Variants in BTAF1 observed in about 807,000 individuals in gnomAD.
The protein encoded by BTAF1 is B-TFIID TATA-box binding protein associated factor 1, also known as TATA-binding protein-associated factor 172.
In BTAF1, 38 loss-of-function variants were observed where a neutral mutation model predicts 227.1. The ratio of observed to expected loss-of-function variants is 0.17; its 90% CI spans 0.13 to 0.22. The LOEUF is 0.22. BTAF1 is among the 10% of genes least tolerant of loss of function. The pLI is 1.00. For synonymous variants in BTAF1, 742 were observed against 751.9 expected, an observed-to-expected ratio of 0.99 and a Z score of 0.21; for missense variants, 1,598 against 2,204.0, an observed-to-expected ratio of 0.73 and a Z score of 5.51.
chr10:91,971,491 A>C (rs1386282882), intron 14 of BTAF1, among the ~76,000 whole-genome samples: 2 of 71,278 alleles, frequency 2.8e-5, no homozygotes, highest in Non-Finnish European at 2.7e-5. Context: ...TTTTTTTTTG[A>C]GATGGAGTTT....
intron 1 of BTAF1, among the ~76,000 whole-genome samples, chr10:91,930,562 C>T (rs2133769964): frequency 6.6e-6 from 1 of 152,202 alleles, no homozygotes; most frequent in Non-Finnish European, 1.5e-5. Context: ...ATGTTTAAAA[C>T]AACATAACAT....
chr10:92,008,781 A>G (rs745425591), intron 26 of BTAF1, 48 bp from the exon 27 acceptor site: 1 of 1,487,576 alleles, frequency 6.7e-7, no homozygotes, highest in Admixed American at 2.2e-5. Flanking sequence ...TTTATAAGAA[A>G]AAATAAATTT....
chr10:92,000,156 A>C (rs1421423907), intron 25 of BTAF1, among the ~76,000 whole-genome samples: 1 of 152,228 alleles, frequency 6.6e-6, no homozygotes, highest in African/African-American at 2.4e-5. Flanking sequence ...ACTAGACCAC[A>C]GTATCAAAAT....
intron 14 of BTAF1, among the ~76,000 whole-genome samples, chr10:91,978,927 C>A (rs575033670): frequency 2.0e-5 from 3 of 148,274 alleles, no homozygotes; most frequent in African/African-American, 7.4e-5. Flanking sequence ...TATTTTGCCA[C>A]CTAGGTACTA....
chr10:91,929,653 A>G (rs1472570577), intron 1 of BTAF1, among the ~76,000 whole-genome samples: 2 of 152,180 alleles, frequency 1.3e-5, no homozygotes, highest in Non-Finnish European at 2.9e-5. Flanking sequence ...TGTAGAAAAA[A>G]CTACCTTAAT....
chr10:91,928,236 CTGTA>C (rs1844003961), intron 1 of BTAF1, among the ~76,000 whole-genome samples: 2 of 152,074 alleles, frequency 1.3e-5, no homozygotes, highest in Admixed American at 1.3e-4. Flanking sequence ...CTTGGTTTTA[CTGTA>C]CTTTCAGTTG....
chr10:92,004,436 G>A (rs1849743991), intron 25 of BTAF1, among the ~76,000 whole-genome samples: 1 of 152,012 alleles, frequency 6.6e-6, no homozygotes, highest in South Asian at 2.1e-4. Context: ...TTAGATATTT[G>A]GATTTGGGAT....
intron 21 of BTAF1, among the ~76,000 whole-genome samples, chr10:91,993,462 CAA>C (rs1848937849): frequency 6.6e-6 from 1 of 152,010 alleles, no homozygotes; most frequent in Non-Finnish European, 1.5e-5. Flanking sequence ...TCCTCAACCC[CAA>C]AAAAGTGTTT....
intron 4 of BTAF1, among the ~76,000 whole-genome samples, chr10:91,950,041 C>A (rs1255421140): frequency 2.6e-5 from 4 of 151,144 alleles, no homozygotes; most frequent in Non-Finnish European, 5.9e-5. Flanking sequence ...ACTCAGAAGG[C>A]TGAGGCAGGA....
rs12571564 is a variant in BTAF1 at position 91,953,648 on chromosome 10, T to G, written c.565-89T>G. On this transcript the variant is annotated intron_variant, in intron 5 of 37. Transcript: ENST00000265990. ...GTGATCGATGTATATATACTGAAAT[T>G]TATAGACTTGGTCTTCTTCTGAGGC... The G allele has an allele frequency of 0.36, 516,100 of 1,415,708 alleles. 99,422 individuals carry two copies. The highest frequency in any genetic ancestry group is 0.5 in the South Asian group (37,118 of 73,582). 87.7% of individuals were successfully genotyped at this position (1,415,708 alleles called of 1,614,324 possible). A position where few individuals can be genotyped will look rare whatever the true frequency, so the allele number is the denominator to read the frequency against.
chr10:92,028,503 T>C (rs1851677194), intron 37 of BTAF1, among the ~76,000 whole-genome samples: 1 of 152,184 alleles, frequency 6.6e-6, no homozygotes, highest in African/African-American at 2.4e-5. Flanking sequence ...TATCTAACTA[T>C]ATTTCTGACA....
intron 20 of BTAF1, among the ~76,000 whole-genome samples, chr10:91,991,791 GTGTGTGTATATATATATATA>G (rs777456362): frequency 6.4e-4 from 44 of 68,470 alleles, no homozygotes; most frequent in East Asian, 2.1e-3. Flanking sequence ...GTGTGTGTGT[GTGTGTGTATATATATATATA>G]TATATATATA....
chr10:92,000,875 T>C (rs571597373), intron 25 of BTAF1, among the ~76,000 whole-genome samples: 19 of 152,236 alleles, frequency 1.2e-4, no homozygotes, highest in African/African-American at 4.1e-4. Flanking sequence ...AAAATAACAG[T>C]ACTTGATAAC....
chr10:91,986,862 G>C lies in BTAF1; in HGVS notation c.2428-2292G>C, dbSNP rs1488874241. Among the ~76,000 whole-genome samples the C allele has an allele frequency of 2.0e-5, 3 of 151,592 alleles. No homozygotes were observed. The East Asian group carries it at 5.8e-4, about 29-fold the overall frequency. On this transcript the variant is annotated intron_variant, in intron 19 of 37. Transcript: ENST00000265990. ...CTTTTTTTCTTTTTTTTTTCTGTAA[G>C]GGACTTTTGAGGGAAGGGCAGTTTT...
Position 91,996,540 on chromosome 10 carries a change from A to G in BTAF1, c.3481A>G (p.Lys1161Glu). The G allele has an allele frequency of 1.2e-6, 2 of 1,614,218 alleles. No homozygotes were observed. The highest frequency in any genetic ancestry group is 1.7e-6 in the Non-Finnish European group (2 of 1,180,032). ...GCTGGGAGCAATTGATGACAGTGTC[A>G]AACAAGAGGGTGCAATTGAAGCACT... ...PWLGAIDDSVKQEGAIEALAC... is the reference protein window; with the variant it reads ...PWLGAIDDSVEQEGAIEALAC... Residue 1161 changes from lysine (K) to glutamate (E), a missense_variant, in exon 24 of 38, where the codon AAA becomes GAA. Transcript: ENST00000265990.
chr10:92,017,453 C>T (rs1341570553), intron 33 of BTAF1, among the ~76,000 whole-genome samples: 3 of 152,086 alleles, frequency 2.0e-5, no homozygotes, highest in Non-Finnish European at 4.4e-5. Flanking sequence ...AGATTAAGTA[C>T]TGTAGCATTT....
At chr10:91,935,394 T>C (rs1232495896) in intron 1 of BTAF1, among the ~76,000 whole-genome samples, 24 of 152,164 alleles carry the variant, frequency 1.6e-4, no homozygotes, top group Admixed American at 1.6e-3. Flanking sequence ...CCCTCTTGCT[T>C]TTCCTACCCT....
intron 24 of BTAF1, chr10:91,997,327 A>G: frequency 7.7e-6 from 4 of 517,134 alleles, no homozygotes; most frequent in Non-Finnish European, 1.3e-5. Flanking sequence ...CTCTATGAAA[A>G]AAATCTTATT....
At chr10:91,956,801 C>A in intron 7 of BTAF1, 144 bp downstream of exon 7, 1 of 822,238 alleles carries the variant, frequency 1.2e-6, no homozygotes, top group Non-Finnish European at 1.8e-6. Flanking sequence ...CCAGCCTGGC[C>A]AACATGGTGA....
Sources: gnomAD v4.1 joint callset for allele counts (sites outside exome capture counted in the v4.1 genomes callset) on GRCh38, gnomAD v4.1.1 for gene constraint, MANE v1.5 for transcripts, NCBI Gene and HGNC (gene_info 2026-07-23, HGNC 2026-07-21) for gene names.